Variants in DUSP10 observed in about 807,000 individuals in gnomAD.
The protein encoded by DUSP10 is dual specificity protein phosphatase 10.
A neutral mutation model predicts 30.8 loss-of-function variants in DUSP10; 14 were observed. The ratio of observed to expected loss-of-function variants is 0.46; its 90% CI spans 0.30 to 0.71. DUSP10 has a LOEUF of 0.71. Ranked by LOEUF, DUSP10 falls within the 30% of genes least tolerant of loss-of-function variation. DUSP10 has a pLI of 0.08. For missense variants in DUSP10, 550 were observed against 619.4 expected (o/e 0.89, Z 1.19); for synonymous variants, 254 against 250.4 (o/e 1.01, Z -0.14).
intron 2 of DUSP10, among the ~76,000 whole-genome samples, chr1:221,716,603 AGAGT>A (rs1282034316): frequency 4.6e-5 from 7 of 152,216 alleles, no homozygotes; most frequent in Non-Finnish European, 2.9e-5. Context: ...AAAGAAAATA[AGAGT>A]AAGTATTTTT....
At chr1:221,727,482 T>C (rs79330480) in intron 2 of DUSP10, among the ~76,000 whole-genome samples, 1,716 of 152,370 alleles carry the variant, frequency 0.011, 49 homozygotes, top group East Asian at 0.062. Flanking sequence ...TAAAATGGGA[T>C]GGTTAGATCA....
At chr1:221,737,820 C>G (rs1661824811) in intron 2 of DUSP10, among the ~76,000 whole-genome samples, 1 of 152,224 alleles carries the variant, frequency 6.6e-6, no homozygotes, top group South Asian at 2.1e-4. Flanking sequence ...GACAAAATAA[C>G]TAACTTGCTC....
At chr1:221,729,869 T>A (rs1661531890) in intron 2 of DUSP10, among the ~76,000 whole-genome samples, 1 of 152,214 alleles carries the variant, frequency 6.6e-6, no homozygotes, top group Non-Finnish European at 1.5e-5. Context: ...ATAGAAAATG[T>A]CCTCTATCTC....
intron 2 of DUSP10, among the ~76,000 whole-genome samples, chr1:221,730,396 T>A (rs1426909286): frequency 6.6e-6 from 1 of 152,174 alleles, no homozygotes; most frequent in Non-Finnish European, 1.5e-5. Context: ...TTACTTGATG[T>A]GTGCAATGGA....
intron 2 of DUSP10, among the ~76,000 whole-genome samples, chr1:221,724,901 C>T (rs1334743776): frequency 6.6e-6 from 1 of 152,176 alleles, no homozygotes; most frequent in African/African-American, 2.4e-5. Flanking sequence ...ACAGCATGCT[C>T]TTTTATTTCA....
chr1:221,738,796 G>T (rs947558993), intron 2 of DUSP10, 138 bp downstream of exon 2: 36 of 1,134,726 alleles, frequency 3.2e-5, no homozygotes, highest in Non-Finnish European at 3.7e-6. Context: ...ACAATAAAGA[G>T]CATAGAAGGG....
intron 2 of DUSP10, 140 bp downstream of exon 2, chr1:221,738,794 G>A (rs544386226): frequency 8.9e-7 from 1 of 1,121,774 alleles, no homozygotes; most frequent in East Asian, 2.4e-5. Flanking sequence ...AAACAATAAA[G>A]AGCATAGAAG....
Position 221,706,248 on chromosome 1 carries a change from G to C in DUSP10, c.1030C>G (p.Gln344Glu). Residue 344 changes from glutamine (Q) to glutamate (E), a missense_variant, in exon 3 of 4, where the codon CAG becomes GAG. Physicochemically the swap from Gln to Glu is conservative, Grantham distance 29. Transcript: ENST00000366899. This position sits in a 1 kb window ranked among gnomAD's most constrained non-coding sequence, Gnocchi z 4.6. ...EQDAQDLDTM[Q>E]RLNIGYVINV... ...ATGACGTAGCCGATGTTCAGCCGCT[G>C]CATGGTGTCCAGGTCCTGAGCATCC... is the stretch of plus-strand genomic sequence containing the variant. 1 of 1,614,212 alleles carries C rather than the reference G, an allele frequency of 6.2e-7. No individual in the cohort carries two copies. The highest frequency in any genetic ancestry group is 8.5e-7 in the Non-Finnish European group (1 of 1,180,026).
At chr1:221,707,162 C>G (rs969984547) in intron 2 of DUSP10, among the ~76,000 whole-genome samples, 3 of 152,150 alleles carry the variant, frequency 2.0e-5, no homozygotes, top group African/African-American at 7.2e-5. Flanking sequence ...TAGCACATCT[C>G]CTGGCACACA....
intron 3 of DUSP10, 145 bp downstream of exon 3, chr1:221,705,950 G>C: frequency 9.4e-7 from 1 of 1,060,174 alleles, no homozygotes; most frequent in Non-Finnish European, 1.4e-6. Context: ...AGAATGCTTA[G>C]GCTGTTTCAG....
At chr1:221,715,539 A>ATG (rs1661074021) in intron 2 of DUSP10, among the ~76,000 whole-genome samples, 1 of 152,158 alleles carries the variant, frequency 6.6e-6, no homozygotes, top group Non-Finnish European at 1.5e-5. Context: ...TGAATAACTA[A>ATG]TGTTTGAGCT....
chr1:221,726,929 TG>T (rs752647563), intron 2 of DUSP10, among the ~76,000 whole-genome samples: 1 of 152,196 alleles, frequency 6.6e-6, no homozygotes, highest in African/African-American at 2.4e-5. Flanking sequence ...ATTATAATTA[TG>T]GTTGATTTTC....
intron 2 of DUSP10, among the ~76,000 whole-genome samples, chr1:221,725,807 A>C (rs931654899): frequency 2.6e-5 from 4 of 151,824 alleles, no homozygotes; most frequent in Non-Finnish European, 5.9e-5. Context: ...TCTACTCAGC[A>C]TCTCACTAAA....
rs1325359520 is a variant in DUSP10 at position 221,739,873 on chromosome 1, C to T, written c.-43-86G>A. The T allele has an allele frequency of 6.5e-6, 9 of 1,378,856 alleles. No individual in the cohort carries two copies. In the East Asian group the frequency reaches 2.3e-4, roughly 35 times the overall value. 85.4% of individuals were successfully genotyped at this position (1,378,856 alleles called of 1,614,324 possible). A position where few individuals can be genotyped will look rare whatever the true frequency, so the allele number is the denominator to read the frequency against. ...ATCCAATCCCTGGGAAAGACCTTTG[C>T]ATCCCTCTGAGCAAAGTCGTCCTAA... On this transcript the variant is annotated intron_variant, in intron 1 of 3. Transcript: ENST00000366899.
chr1:221,717,818 C>T (rs1482377759), intron 2 of DUSP10, among the ~76,000 whole-genome samples: 2 of 152,132 alleles, frequency 1.3e-5, no homozygotes, highest in African/African-American at 4.8e-5. Context: ...ATGCTGGCAC[C>T]CCAATCTTGA....
intron 2 of DUSP10, among the ~76,000 whole-genome samples, chr1:221,729,919 T>C (rs891042422): frequency 3.9e-5 from 6 of 152,226 alleles, no homozygotes; most frequent in African/African-American, 1.4e-4. Context: ...TCTAGTCTTA[T>C]TCTTTTAAGA....
intron 2 of DUSP10, among the ~76,000 whole-genome samples, chr1:221,719,703 T>C (rs1571819034): frequency 6.6e-6 from 1 of 152,268 alleles, no homozygotes; most frequent in African/African-American, 2.4e-5. Flanking sequence ...CATCAGACTT[T>C]CGACCATTTC....
At chr1:221,724,058 A>G (rs574964765) in intron 2 of DUSP10, among the ~76,000 whole-genome samples, 146 of 152,338 alleles carry the variant, frequency 9.6e-4, no homozygotes, top group Non-Finnish European at 1.6e-3. Context: ...AGACACTCCT[A>G]ACACTCGGGG....
chr1:221,720,077 C>T (rs1462482563), intron 2 of DUSP10, among the ~76,000 whole-genome samples: 1 of 152,088 alleles, frequency 6.6e-6, no homozygotes, highest in African/African-American at 2.4e-5. Flanking sequence ...CCTGTAGATC[C>T]TCACTGTGAT....
Sources: allele counts gnomAD v4.1 joint callset (sites outside exome capture counted in the v4.1 genomes callset), GRCh38; gene constraint gnomAD v4.1.1; non-coding constraint Gnocchi (gnomAD v3.1); transcripts MANE v1.5; gene names NCBI Gene and HGNC (gene_info 2026-07-23, HGNC 2026-07-21).